Variants in NAALADL2 observed in about 807,000 individuals in gnomAD.
NAALADL2 encodes the protein N-acetylated alpha-linked acidic dipeptidase like 2, also known as inactive N-acetylated-alpha-linked acidic dipeptidase-like protein 2.
Under a neutral mutation model 87.2 loss-of-function variants are expected in NAALADL2, and 76 were observed. The ratio of observed to expected loss-of-function variants is 0.87; its 90% CI spans 0.72 to 1.05. The LOEUF is 1.05. Among genes scored for constraint, NAALADL2 ranks in the 50% least tolerant of loss-of-function variants. The pLI is 0.00. For missense variants in NAALADL2, 1,089 were observed against 945.8 expected (o/e 1.15, Z -1.99); for synonymous variants, 354 against 331.0 (o/e 1.07, Z -0.75).
intron 11 of NAALADL2, chr3:175,718,437 C>T (rs1741706894): frequency 2.0e-5 from 32 of 1,584,446 alleles, no homozygotes; most frequent in Non-Finnish European, 2.4e-5. Flanking sequence ...AAGGGGGGTG[C>T]TTCTGGGTAT....
chr3:175,750,983 A>C (rs1002906049), intron 12 of NAALADL2, among the ~76,000 whole-genome samples: 6 of 152,232 alleles, frequency 3.9e-5, no homozygotes, highest in African/African-American at 4.8e-5. Flanking sequence ...AATAAATGCA[A>C]ACTGTTTTTG....
intron 3 of NAALADL2, among the ~76,000 whole-genome samples, chr3:174,766,727 C>T (rs1713848201): frequency 6.6e-6 from 1 of 152,132 alleles, no homozygotes; most frequent in African/African-American, 2.4e-5. Flanking sequence ...ATTTATTTAA[C>T]AAATATTTAT....
intron 2 of NAALADL2, among the ~76,000 whole-genome samples, chr3:174,579,577 G>T (rs1187572980): frequency 1.3e-5 from 2 of 152,012 alleles, no homozygotes. Context: ...ACATGAGTGG[G>T]CATGAGGAAA....
At chr3:174,819,395 T>G (rs945379207) in intron 3 of NAALADL2, among the ~76,000 whole-genome samples, 3 of 152,034 alleles carry the variant, frequency 2.0e-5, no homozygotes, top group African/African-American at 7.2e-5. Context: ...TTACTTTCTT[T>G]TTTTTCATTT....
At chr3:175,420,560 A>G (rs1298935427) in intron 5 of NAALADL2, among the ~76,000 whole-genome samples, 1 of 152,036 alleles carries the variant, frequency 6.6e-6, no homozygotes, top group Non-Finnish European at 1.5e-5. Flanking sequence ...TTTTTCTGTT[A>G]ATAGCCCAGC....
intron 9 of NAALADL2, among the ~76,000 whole-genome samples, chr3:175,529,492 GCT>G (rs1733828468): frequency 3.3e-5 from 5 of 152,140 alleles, no homozygotes; most frequent in Admixed American, 2.0e-4. Flanking sequence ...GTGAATCCTG[GCT>G]GTGGGAGAAA....
intron 8 of NAALADL2, among the ~76,000 whole-genome samples, chr3:175,467,992 C>T (rs1724339901): frequency 6.6e-6 from 1 of 152,000 alleles, no homozygotes; most frequent in Non-Finnish European, 1.5e-5. Context: ...CATAATTTTA[C>T]TAGGAAAGCA....
Position 174,819,048 on chromosome 3 carries a change from A to T in NAALADL2, c.-9+81302A>T, listed in dbSNP as rs1166036280. 5.8e-4 allele frequency among the ~76,000 whole-genome samples: 66 copies of T among 114,418 alleles called. 1 individual carries two copies. The highest frequency in any genetic ancestry group is 1.8e-3 in the African/African-American group (61 of 33,178). The allele number at this position is 114,418 out of a possible 152,430, so 75.1% of individuals were successfully genotyped here. A position where few individuals can be genotyped will look rare whatever the true frequency, so the allele number is the denominator to read the frequency against. ...ATAAAATTTTGAATTTCTTTATTAT[A>T]CCATTTATTCTTTTTTTTTTTTTTT... On this transcript the variant is annotated intron_variant, in intron 3 of 3. Coordinates refer to the NAALADL2 transcript ENST00000434257.
At chr3:175,672,488 ATGTT>A (rs1349210706) in intron 11 of NAALADL2, among the ~76,000 whole-genome samples, 1 of 152,122 alleles carries the variant, frequency 6.6e-6, no homozygotes, top group Non-Finnish European at 1.5e-5. Context: ...AGGGAATAGG[ATGTT>A]TGTTTTGTTT....
chr3:175,412,958 G>A (rs1333404371), intron 5 of NAALADL2, among the ~76,000 whole-genome samples: 2 of 141,640 alleles, frequency 1.4e-5, no homozygotes, highest in South Asian at 2.2e-4. Flanking sequence ...TCTGTCTGTC[G>A]CCTAGGCTGG....
At chr3:175,227,549 A>T (rs748560218) in intron 2 of NAALADL2, among the ~76,000 whole-genome samples, 1 of 152,034 alleles carries the variant, frequency 6.6e-6, no homozygotes, top group Admixed American at 6.6e-5. Context: ...AACTTAGATT[A>T]TATTGCAGTT....
chr3:174,955,942 G>T (rs756654264), intron 1 of NAALADL2, among the ~76,000 whole-genome samples: 15 of 152,018 alleles, frequency 9.9e-5, no homozygotes, highest in Non-Finnish European at 1.8e-4. Context: ...CAGTTATTCC[G>T]GGTGTTGGTG....
intron 2 of NAALADL2, among the ~76,000 whole-genome samples, chr3:175,108,021 T>C (rs920404429): frequency 2.6e-5 from 4 of 152,064 alleles, no homozygotes; most frequent in African/African-American, 7.2e-5. Context: ...TATTAAATTT[T>C]ATATGCCTGA....
At chr3:174,622,903 C>A (rs965072389) in intron 2 of NAALADL2, among the ~76,000 whole-genome samples, 3 of 152,114 alleles carry the variant, frequency 2.0e-5, no homozygotes, top group Non-Finnish European at 4.4e-5. Flanking sequence ...ATTAGCCAGG[C>A]GTGGTGGCAG....
chr3:175,324,368 T>C lies in NAALADL2; in HGVS notation c.1090+43T>C, dbSNP rs529013899. On this transcript the variant is annotated intron_variant, in intron 5 of 13. Coordinates refer to ENST00000454872, the MANE Select transcript of NAALADL2 (RefSeq NM_207015.3). ...CATTATTATACTTGTAAGTAAGCAT[T>C]ACAAGGTTGCAATTTATAAATAAAT... The C allele has an allele frequency of 5.4e-6, 8 of 1,494,232 alleles. No homozygotes were observed. In the African/African-American group the frequency reaches 5.7e-5, roughly 11 times the overall value. 92.6% of individuals were successfully genotyped at this position (1,494,232 alleles called of 1,614,324 possible). A position where few individuals can be genotyped will look rare whatever the true frequency, so the allele number is the denominator to read the frequency against.
Position 175,742,421 on chromosome 3 carries a change from G to A in NAALADL2, c.1990+5022G>A, listed in dbSNP as rs180692415. Among the ~76,000 whole-genome samples the A allele has an allele frequency of 3.6e-3, 542 of 152,070 alleles. 1 individual carries two copies. The highest frequency in any genetic ancestry group is 7.1e-3 in the South Asian group (34 of 4,812). The stretch of plus-strand genomic sequence containing the variant: ...TGTTTGTTTGTTTGTTTTCTGAGAC[G>A]GAGTCTCGCTCTGTCACCCAGGCTG... On this transcript the variant is annotated intron_variant, in intron 12 of 13. Transcript: ENST00000454872.
intron 1 of NAALADL2, among the ~76,000 whole-genome samples, chr3:174,978,744 C>T (rs1262335959): frequency 3.9e-5 from 6 of 152,040 alleles, no homozygotes; most frequent in Non-Finnish European, 5.9e-5. Context: ...AATTATAAAT[C>T]GTCCTAGAAT....
intron 2 of NAALADL2, among the ~76,000 whole-genome samples, chr3:174,555,777 A>C (rs1712718089): frequency 6.6e-6 from 1 of 152,078 alleles, no homozygotes; most frequent in Non-Finnish European, 1.5e-5. Context: ...TAGAATGAGG[A>C]TCTTACTACC....
At position 175,083,048 on chromosome 3, in the gene NAALADL2, G is replaced by T. The variant is rs942920513; in HGVS notation, c.44-13742G>T. Among the ~76,000 whole-genome samples the T allele has an allele frequency of 1.7e-4, 26 of 152,130 alleles. 1 individual carries two copies. Among genetic ancestry groups the T allele is most frequent in the African/African-American group, 6.3e-4 (26 of 41,424 alleles). On this transcript the variant is annotated intron_variant, in intron 1 of 13. Coordinates refer to ENST00000454872, the MANE Select transcript of NAALADL2 (RefSeq NM_207015.3). ...CTGGTTTAGTTTTCAACTCTGTGTT[G>T]TCCACATAAGAAACACCAGTTCTGA... is the stretch of plus-strand genomic sequence containing the variant.
Sources: allele counts gnomAD v4.1 joint callset (sites outside exome capture counted in the v4.1 genomes callset), GRCh38; gene constraint gnomAD v4.1.1; transcripts MANE v1.5; gene names NCBI Gene and HGNC (gene_info 2026-07-23, HGNC 2026-07-21).